The following SPTBN4 variants were observed in gnomAD, a reference collection of about 807,000 sequenced individuals.
The protein encoded by SPTBN4 is spectrin beta, non-erythrocytic 4, also known as spectrin beta chain, non-erythrocytic 4.
Under a neutral mutation model 277.8 loss-of-function variants are expected in SPTBN4, and 96 were observed. The ratio of observed to expected loss-of-function variants is 0.35; its 90% CI spans 0.29 to 0.41. The LOEUF (loss-of-function observed/expected upper bound fraction) is 0.41, where lower values mean the gene tolerates loss of function less well. Ranked by LOEUF, SPTBN4 falls within the 10% of genes least tolerant of loss-of-function variation. The pLI is 1.00. For synonymous variants in SPTBN4, 1,481 were observed against 1,580.3 expected (o/e 0.94, Z 1.49); for missense variants, 3,006 against 3,595.7 (o/e 0.84, Z 4.19).
In SPTBN4 at chr19:40,523,481, G is replaced by A. The variant is rs143472509; in HGVS notation, c.3699G>A (p.Ser1233=). The change falls in exon 17 of 36, where the codon TCG becomes TCA. Residue 1233 remains serine (S), a synonymous_variant. Transcript: ENST00000598249. ...CGGAGCTCCCGGGCACAGTGGAATC[G>A]GTGGAGGAGGCCTTGAAACAGCACC... ...SGAELPGTVE[S]VEEALKQHRD... The A allele has an allele frequency of 1.1e-5, 18 of 1,613,172 alleles. No homozygotes were observed. Among genetic ancestry groups the A allele is most frequent in the African/African-American group, 8.0e-5 (6 of 75,056 alleles).
At chr19:40,520,386 T>G (rs914953153) in intron 16 of SPTBN4, among the ~76,000 whole-genome samples, 2 of 152,176 alleles carry the variant, frequency 1.3e-5, no homozygotes, top group Non-Finnish European at 2.9e-5. Context: ...GGTAGGTTGG[T>G]GTCTTATCGG....
intron 32 of SPTBN4, among the ~76,000 whole-genome samples, chr19:40,569,961 C>CACACACACAG (rs2081135510): frequency 1.4e-5 from 2 of 145,778 alleles, no homozygotes; most frequent in Non-Finnish European, 3.0e-5. Context: ...CACACACACA[C>CACACACACAG]ACACACACAC....
chr19:40,480,340 A>C (rs2079997308), intron 2 of SPTBN4, among the ~76,000 whole-genome samples: 1 of 151,834 alleles, frequency 6.6e-6, no homozygotes, highest in African/African-American at 2.4e-5. Context: ...AGATTGCTTG[A>C]GCCCGAGTTC....
chr19:40,494,754 C>A, intron 5 of SPTBN4, 143 bp from the exon 6 acceptor site: 1 of 698,074 alleles, frequency 1.4e-6, no homozygotes. Flanking sequence ...TACCCAACAC[C>A]CACCCATCCA....
intron 16 of SPTBN4, among the ~76,000 whole-genome samples, chr19:40,521,146 A>G (rs953694947): frequency 6.6e-6 from 1 of 151,804 alleles, no homozygotes; most frequent in Admixed American, 6.6e-5. Flanking sequence ...GATGGTTTTG[A>G]TCTCTTGACC....
intron 25 of SPTBN4, among the ~76,000 whole-genome samples, chr19:40,556,608 T>G (rs952864007): frequency 7.0e-6 from 1 of 143,222 alleles, no homozygotes; most frequent in African/African-American, 2.6e-5. Context: ...TGATGATGAT[T>G]ATCATTACTC....
intron 2 of SPTBN4, among the ~76,000 whole-genome samples, chr19:40,483,099 C>T (rs1035587114): frequency 2.6e-5 from 4 of 152,222 alleles, no homozygotes; most frequent in African/African-American, 4.8e-5. Context: ...TGAAGAAAGC[C>T]AAATCTAGTC....
At chr19:40,525,893 G>A (rs547258488) in intron 17 of SPTBN4, among the ~76,000 whole-genome samples, 2 of 152,230 alleles carry the variant, frequency 1.3e-5, no homozygotes, top group South Asian at 4.1e-4. Context: ...GGTCACAGAG[G>A]GATTGAGACG....
At chr19:40,572,518 A>T in intron 35 of SPTBN4, 138 bp downstream of exon 35, 1 of 1,101,950 alleles carries the variant, frequency 9.1e-7, no homozygotes, top group South Asian at 1.4e-5. Flanking sequence ...GAAAGCCCAC[A>T]GGCACTGAGA....
chr19:40,489,957 C>T, intron 3 of SPTBN4, 118 bp from the exon 4 acceptor site: 2 of 1,048,224 alleles, frequency 1.9e-6, no homozygotes, highest in Non-Finnish European at 2.7e-6. Context: ...ACAGCCTGAT[C>T]CTGGACACTC....
chr19:40,556,316 C>T (rs2080978605), intron 25 of SPTBN4, 28 bp downstream of exon 25: 1 of 1,584,770 alleles, frequency 6.3e-7, no homozygotes, highest in East Asian at 2.2e-5. Context: ...TAAGTGATAC[C>T]AGGAGCTACC....
At chr19:40,496,027 T>C (rs2080193192) in intron 6 of SPTBN4, among the ~76,000 whole-genome samples, 1 of 152,214 alleles carries the variant, frequency 6.6e-6, no homozygotes, top group Non-Finnish European at 1.5e-5. Flanking sequence ...ATCCTCACAC[T>C]AGGTGACATT....
At chr19:40,553,968 G>A (rs1447844921) in intron 22 of SPTBN4, among the ~76,000 whole-genome samples, 179 bp from the exon 23 acceptor site, 2 of 152,228 alleles carry the variant, frequency 1.3e-5, no homozygotes, top group East Asian at 3.9e-4. Context: ...AGCAAGCATA[G>A]GGTTATGATG....
intron 2 of SPTBN4, 134 bp downstream of exon 2, chr19:40,472,924 T>G (rs1305033207): frequency 2.2e-6 from 2 of 905,494 alleles, no homozygotes; most frequent in African/African-American, 3.3e-5. Flanking sequence ...GTGGAAATAG[T>G]CTATATCCAT....
At chr19:40,471,799 C>G (rs1041793691) in intron 1 of SPTBN4, among the ~76,000 whole-genome samples, 2 of 152,014 alleles carry the variant, frequency 1.3e-5, no homozygotes, top group African/African-American at 4.8e-5. Context: ...AGTGCAGTGG[C>G]GCTATCTTGG....
chr19:40,515,397 G>A lies in SPTBN4; in HGVS notation c.2852G>A (p.Gly951Asp), dbSNP rs141584721. The stretch of plus-strand genomic sequence containing the variant: ...ACAGTCCAGGAGCTGGTGGAAGGAG[G>A]CCACCCCAGTTCAGATGAGGTGCGT... ...NHTVQELVEGGHPSSDEVRSC... is the reference protein window; with the variant it reads ...NHTVQELVEGDHPSSDEVRSC... The change falls in exon 15 of 36, where the codon GGC becomes GAC. Residue 951 changes from glycine to aspartate, a missense_variant. Physicochemically the swap from Gly to Asp is moderately conservative, Grantham distance 94. Around this residue, in one of 5 missense-constraint regions of SPTBN4, gnomAD observed 1,759 missense variants for 2,061.5 expected, o/e 0.85. Transcript: ENST00000598249. The surrounding 1 kb of genome is among the most constrained non-coding windows in gnomAD (Gnocchi z 4.1). 62 of 1,595,882 alleles carry A rather than the reference G, an allele frequency of 3.9e-5. 3 individuals carry two copies. The Middle Eastern group carries it at 6.3e-3, about 162-fold the overall frequency.
chr19:40,534,370 G>A, intron 20 of SPTBN4, 27 bp downstream of exon 20: 2 of 1,607,548 alleles, frequency 1.2e-6, no homozygotes, highest in Non-Finnish European at 1.7e-6. Flanking sequence ...CCAGATGAGG[G>A]CTCCCTATGC....
At chr19:40,527,640 AG>A (rs1432816478) in intron 17 of SPTBN4, among the ~76,000 whole-genome samples, 2 of 152,256 alleles carry the variant, frequency 1.3e-5, no homozygotes, top group African/African-American at 4.8e-5. Flanking sequence ...GCTAGTGCCA[AG>A]GGCCTGAGGC....
intron 20 of SPTBN4, among the ~76,000 whole-genome samples, chr19:40,548,962 G>A: frequency 6.6e-6 from 1 of 152,242 alleles, no homozygotes; most frequent in East Asian, 1.9e-4. Context: ...ACAAGGAAGA[G>A]CATGCCTGGC....
Sources: gnomAD v4.1 joint callset for allele counts (sites outside exome capture counted in the v4.1 genomes callset) on GRCh38, gnomAD v4.1.1 for gene constraint, gnomAD v4.1.1 regional missense constraint, Gnocchi (gnomAD v3.1) non-coding constraint, MANE v1.5 for transcripts, NCBI Gene and HGNC (gene_info 2026-07-23, HGNC 2026-07-21) for gene names.